Variants in ABHD2 observed in about 807,000 individuals in gnomAD.
ABHD2 encodes the protein monoacylglycerol lipase ABHD2.
A neutral mutation model predicts 48.1 loss-of-function variants in ABHD2; 20 were observed. The ratio of observed to expected loss-of-function variants is 0.42; its 90% CI spans 0.29 to 0.60. The LOEUF (loss-of-function observed/expected upper bound fraction) is 0.60. Ranked by LOEUF, ABHD2 falls within the 20% of genes least tolerant of loss-of-function variation. The pLI is 0.24. For missense variants in ABHD2, 405 were observed against 550.9 expected (o/e 0.74, Z 2.65); for synonymous variants, 209 against 214.2 (o/e 0.98, Z 0.21).
At chr15:89,131,813 C>T (rs1472405980) in intron 3 of ABHD2, among the ~76,000 whole-genome samples, 2 of 152,002 alleles carry the variant, frequency 1.3e-5, no homozygotes, top group African/African-American at 4.8e-5. Context: ...AAATGTAAGT[C>T]TTAGGAGAGA....
chr15:89,050,176 A>G, the ABHD2 span, among the ~76,000 whole-genome samples: 1 of 152,166 alleles, frequency 6.6e-6, no homozygotes, highest in African/African-American at 2.4e-5. Context: ...GGTCCCAGGA[A>G]CAGAGCAGAC....
intron 1 of ABHD2, among the ~76,000 whole-genome samples, chr15:89,111,078 A>G (rs2049867790): frequency 6.6e-6 from 1 of 152,230 alleles, no homozygotes; most frequent in African/African-American, 2.4e-5. Flanking sequence ...GAAAGCTCAG[A>G]TAAATTAATT....
At chr15:89,071,438 C>G in the ABHD2 span, among the ~76,000 whole-genome samples, 1 of 152,064 alleles carries the variant, frequency 6.6e-6, no homozygotes, top group Non-Finnish European at 1.5e-5. Flanking sequence ...AAAAAAAAGA[C>G]ATAGGGTTTT....
rs543814018 is a variant in ABHD2, at chr15:89,176,868, A to C, written c.722+873A>C. The stretch of plus-strand genomic sequence containing the variant: ...CTATTGATCCAGTCTAATGCCAAAC[A>C]GTCCTTATCGTTATTCAAAGAATCT... On this transcript the variant is annotated intron_variant, in intron 6 of 10. Transcript: ENST00000352732. This position sits in a 1 kb window ranked among gnomAD's most constrained non-coding sequence, Gnocchi z 4.5. 3.3e-5 allele frequency among the ~76,000 whole-genome samples: 5 copies of C among 152,244 alleles called. No individual in the cohort carries two copies. Among genetic ancestry groups the C allele is most frequent in the Non-Finnish European group, 7.3e-5 (5 of 68,042 alleles).
At chr15:89,057,074 C>T in the ABHD2 span, among the ~76,000 whole-genome samples, 6,017 of 151,994 alleles carry the variant, frequency 0.04, 256 homozygotes, top group East Asian at 0.15. Context: ...CCACCACGCC[C>T]GGCTAATTTT....
chr15:89,181,001 G>A (rs764410171), intron 6 of ABHD2, among the ~76,000 whole-genome samples: 8 of 152,042 alleles, frequency 5.3e-5, no homozygotes, highest in Non-Finnish European at 8.8e-5. Flanking sequence ...GCCAAGGCAC[G>A]CGGATCACAA....
chr15:89,193,172 T>C, intron 9 of ABHD2, 63 bp from the exon 10 acceptor site: 1 of 1,519,648 alleles, frequency 6.6e-7, no homozygotes, highest in Non-Finnish European at 9.1e-7. Flanking sequence ...GTTTGAGCCT[T>C]GAATCGATGG....
At chr15:89,045,070 T>C in the ABHD2 span, among the ~76,000 whole-genome samples, 3 of 152,210 alleles carry the variant, frequency 2.0e-5, no homozygotes, top group Non-Finnish European at 4.4e-5. Flanking sequence ...CCACCTTGAA[T>C]TGATTTTTGT....
chr15:89,184,893 A>G lies in ABHD2; in HGVS notation c.723-531A>G, dbSNP rs901072812. On this transcript the variant is annotated intron_variant, in intron 6 of 10. Coordinates refer to ENST00000352732, the MANE Select transcript of ABHD2 (RefSeq NM_152924.5). This position sits in a 1 kb window ranked among gnomAD's most constrained non-coding sequence, Gnocchi z 5.1. ...CCACTTCGATTTCCTTGCCTCTTCAATGGTATAAGGCTAATCAAAAGATAG... is the reference window on the plus strand; with the variant it reads ...CCACTTCGATTTCCTTGCCTCTTCAGTGGTATAAGGCTAATCAAAAGATAG... Among the ~76,000 whole-genome samples the G allele has an allele frequency of 1.1e-4, 16 of 152,346 alleles. No individual in the cohort carries two copies. The highest frequency in any genetic ancestry group is 2.6e-4 in the Admixed American group (4 of 15,310).
At chr15:89,113,674 T>A (rs2049911185) in intron 1 of ABHD2, 51 bp from the exon 2 acceptor site, 1 of 152,238 alleles carries the variant, frequency 6.6e-6, no homozygotes, top group South Asian at 2.1e-4. Flanking sequence ...TACGTTTCAA[T>A]TAAACTGCTT....
At position 89,198,524 on chromosome 15, in the gene ABHD2, T is replaced by C. The variant is rs1274151236; in HGVS notation, c.*3101T>C. 3 of 152,242 alleles carry C rather than the reference T, an allele frequency of 2.0e-5. No individual in the cohort carries two copies. Among genetic ancestry groups the C allele is most frequent in the Non-Finnish European group, 4.4e-5 (3 of 68,042 alleles). The allele number at this position is 152,242 out of a possible 1,614,324, so 9.4% of individuals were successfully genotyped here. A position where few individuals can be genotyped will look rare whatever the true frequency, so the allele number is the denominator to read the frequency against. The stretch of plus-strand genomic sequence containing the variant: ...GAAAGCAGAAAGCTGTTGGTTACAA[T>C]ATTCTTTTAACCTCTCTGCAGCATT... On this transcript the variant is annotated 3_prime_UTR_variant, in exon 11 of 11. Transcript: ENST00000352732. This position sits in a 1 kb window ranked among gnomAD's most constrained non-coding sequence, Gnocchi z 5.1.
intron 3 of ABHD2, among the ~76,000 whole-genome samples, chr15:89,117,316 G>C (rs2049977344): frequency 6.6e-6 from 1 of 152,212 alleles, no homozygotes; most frequent in South Asian, 2.1e-4. Context: ...ATGAGCCACT[G>C]CACCTTCCTC....
rs992518089 is a variant in ABHD2 at position 89,106,578 on chromosome 15, C to T, written c.-106-7147C>T. On this transcript the variant is annotated intron_variant, in intron 1 of 10. Coordinates refer to ENST00000352732, the MANE Select transcript of ABHD2 (RefSeq NM_152924.5). The surrounding 1 kb of genome is among the most constrained non-coding windows in gnomAD (Gnocchi z 4.2). ...AGAGGACACAAAGGCACAACTCAGA[C>T]GGGGATGGCTAGGCCTTCTCCCCAA... is the stretch of plus-strand genomic sequence containing the variant. 2.0e-5 allele frequency among the ~76,000 whole-genome samples: 3 copies of T among 152,168 alleles called. No homozygotes were observed. The highest frequency in any genetic ancestry group is 4.8e-5 in the African/African-American group (2 of 41,454).
the ABHD2 span, among the ~76,000 whole-genome samples, chr15:89,079,702 T>C: frequency 6.6e-6 from 1 of 152,208 alleles, no homozygotes; most frequent in Non-Finnish European, 1.5e-5. This position sits in a 1 kb window ranked among gnomAD's most constrained non-coding sequence, Gnocchi z 4.3. Context: ...ATTAATAAAC[T>C]TTTATTCAAG....
rs2049587050 is a variant in ABHD2 at position 89,094,845 on chromosome 15, T to C, written c.-107+6282T>C. Among the ~76,000 whole-genome samples the C allele has an allele frequency of 6.6e-6, 1 of 151,870 alleles. No homozygotes were observed. The highest frequency in any genetic ancestry group is 6.6e-5 in the Admixed American group (1 of 15,256). On this transcript the variant is annotated intron_variant, in intron 1 of 10. Transcript: ENST00000352732. This position sits in a 1 kb window ranked among gnomAD's most constrained non-coding sequence, Gnocchi z 4.7. ...TGAGAGGCCGAGGCAGGCGGATCAC[T>C]TGAGACCAGGAGTTCGAGACCAGCC...
chr15:89,105,725 C>A (rs1020921574), intron 1 of ABHD2, among the ~76,000 whole-genome samples: 4 of 152,264 alleles, frequency 2.6e-5, no homozygotes. Flanking sequence ...CCTTTCAGGG[C>A]AGTCCCTGGC....
Position 89,167,825 on chromosome 15 carries a change from T to C in ABHD2, c.539-7987T>C, listed in dbSNP as rs950480968. Among the ~76,000 whole-genome samples, 1 of 152,256 alleles carries C rather than the reference T, an allele frequency of 6.6e-6. No individual in the cohort carries two copies. Among genetic ancestry groups the C allele is most frequent in the African/African-American group, 2.4e-5 (1 of 41,466 alleles). ...GCTGCTAGGCCCCTAACCGCCCACC[T>C]GTCAGCGAGCCATGTTAGCTTAACT... On this transcript the variant is annotated intron_variant, in intron 5 of 10. Coordinates refer to ENST00000352732, the MANE Select transcript of ABHD2 (RefSeq NM_152924.5). This position sits in a 1 kb window ranked among gnomAD's most constrained non-coding sequence, Gnocchi z 5.5.
Position 89,186,917 on chromosome 15 carries a change from A to G in ABHD2, c.816-1276A>G, listed in dbSNP as rs74029942. On this transcript the variant is annotated intron_variant, in intron 7 of 10. Coordinates refer to ENST00000352732, the MANE Select transcript of ABHD2 (RefSeq NM_152924.5). This position sits in a 1 kb window ranked among gnomAD's most constrained non-coding sequence, Gnocchi z 4.3. Reference sequence around the variant, plus strand: ...CCATCAGGCTGCCACGTTGCCAAACATGTCCTTGTGTCCTCGTGTCTGGAA... The same window carrying G: ...CCATCAGGCTGCCACGTTGCCAAACGTGTCCTTGTGTCCTCGTGTCTGGAA... Among the ~76,000 whole-genome samples, 579 of 152,348 alleles carry G rather than the reference A, an allele frequency of 3.8e-3. 4 individuals carry two copies. The highest frequency in any genetic ancestry group is 0.013 in the African/African-American group (525 of 41,582).
chr15:89,201,630 C>G lies in ABHD2; in HGVS notation c.*6207C>G. On this transcript the variant is annotated 3_prime_UTR_variant, in exon 11 of 11. Coordinates refer to ENST00000352732, the MANE Select transcript of ABHD2 (RefSeq NM_152924.5). ...TCCACTGTTGGGCCTCACACAGTACCGGTGAGGCACGGTAGTCTTCACTTT... is the reference window on the plus strand; with the variant it reads ...TCCACTGTTGGGCCTCACACAGTACGGGTGAGGCACGGTAGTCTTCACTTT... 2 of 1,592,036 alleles carry G rather than the reference C, an allele frequency of 1.3e-6. No individual in the cohort carries two copies. Among genetic ancestry groups the G allele is most frequent in the Non-Finnish European group, 1.7e-6 (2 of 1,159,890 alleles).
Sources: gnomAD v4.1 joint callset for allele counts (sites outside exome capture counted in the v4.1 genomes callset) on GRCh38, gnomAD v4.1.1 for gene constraint, Gnocchi (gnomAD v3.1) non-coding constraint, MANE v1.5 for transcripts, NCBI Gene and HGNC (gene_info 2026-07-23, HGNC 2026-07-21) for gene names.